The following DNAH7 variants were observed in gnomAD, a reference collection of about 807,000 sequenced individuals.
DNAH7 encodes dynein axonemal heavy chain 7.
In DNAH7, 397 loss-of-function variants were observed where a neutral mutation model predicts 444.6. That is an observed-to-expected ratio of 0.89 (90% confidence interval 0.82 to 0.97). DNAH7 has a LOEUF of 0.97. Among genes scored for constraint, DNAH7 ranks in the 50% least tolerant of loss-of-function variants. DNAH7 has a pLI of 0.00. For missense variants in DNAH7, 4,902 were observed against 4,800.8 expected (o/e 1.02, Z -0.62); for synonymous variants, 1,636 against 1,624.4 (o/e 1.01, Z -0.17).
At chr2:195,834,436 G>A in intron 47 of DNAH7, 76 bp from the exon 48 acceptor site, 8 of 1,412,888 alleles carry the variant, frequency 5.7e-6, no homozygotes, top group Non-Finnish European at 7.5e-6. Flanking sequence ...TCACATCACA[G>A]GTCACTTTTT....
At position 195,906,999 on chromosome 2, in the gene DNAH7, G is replaced by A; in HGVS notation, c.4115C>T (p.Ser1372Phe). Residue 1372 changes from serine (S) to phenylalanine (F), a missense_variant, in exon 26 of 65, where the codon TCT (serine) becomes TTT (phenylalanine). Transcript: ENST00000312428. ...ATCAAAGCAAGCCCAGGCTCCACAA[G>A]ATAACAGTCCCTATGAGAAAAGAGT... ...ALGKFFKGLL[S>F]CGAWACFDEF... The A allele has an allele frequency of 1.2e-6, 2 of 1,612,048 alleles. No individual in the cohort carries two copies. The highest frequency in any genetic ancestry group is 2.2e-5 in the South Asian group (2 of 90,856).
chr2:195,884,244 C>T (rs1701580329), intron 35 of DNAH7, among the ~76,000 whole-genome samples: 1 of 152,182 alleles, frequency 6.6e-6, no homozygotes, highest in Non-Finnish European at 1.5e-5. Context: ...TACTAACATG[C>T]ACCATGAACT....
intron 2 of DNAH7, among the ~76,000 whole-genome samples, chr2:196,052,290 G>A (rs1248573143): frequency 6.6e-6 from 1 of 152,170 alleles, no homozygotes; most frequent in Non-Finnish European, 1.5e-5. Flanking sequence ...TAGAGGGAGT[G>A]GCTGCTCCTT....
chr2:195,847,291 C>T (rs182893735), intron 46 of DNAH7, among the ~76,000 whole-genome samples: 1 of 151,572 alleles, frequency 6.6e-6, no homozygotes, highest in African/African-American at 2.4e-5. Context: ...TACATATACA[C>T]CATGGAATAC....
In DNAH7 at chr2:195,913,608, A is replaced by G. The variant is rs535831296; in HGVS notation, c.3936-3413T>C. ...TGTTATACTTGGTAGTCAGTCAAAG[A>G]ATACAGAGCCAGCCCCTCTTCATTT... On this transcript the variant is annotated intron_variant, in intron 24 of 64. Transcript: ENST00000312428. Among the ~76,000 whole-genome samples the G allele has an allele frequency of 5.3e-5, 8 of 152,358 alleles. No homozygotes were observed. In the East Asian group the frequency reaches 1.5e-3, roughly 29 times the overall value.
intron 63 of DNAH7, among the ~76,000 whole-genome samples, chr2:195,744,848 C>G (rs1049079912): frequency 2.0e-5 from 3 of 152,168 alleles, no homozygotes; most frequent in African/African-American, 7.2e-5. Context: ...ACCAAAAACC[C>G]ATCTGTACAT....
chr2:196,046,547 G>A (rs73987678), intron 5 of DNAH7, among the ~76,000 whole-genome samples: 5,715 of 152,208 alleles, frequency 0.038, 247 homozygotes, highest in African/African-American at 0.099. Context: ...AATATAAGTG[G>A]GGAAAGCTGG....
In DNAH7 at chr2:196,051,121, G is replaced by A. The variant is rs968186494; in HGVS notation, c.141+66C>T. 9.0e-6 allele frequency: 13 copies of A among 1,440,716 alleles called. No individual in the cohort carries two copies. In the African/African-American group the frequency reaches 1.1e-4, roughly 12 times the overall value. 89.2% of individuals were successfully genotyped at this position (1,440,716 alleles called of 1,614,324 possible). On this transcript the variant is annotated intron_variant, in intron 3 of 64. Transcript: ENST00000312428. ...CAGGAATTTGCTTACTTATTTTCAA[G>A]TTAGAAAACTAATAAACATTTTTTG...
intron 47 of DNAH7, among the ~76,000 whole-genome samples, chr2:195,840,744 G>A (rs1169158868): frequency 6.6e-6 from 1 of 151,622 alleles, no homozygotes; most frequent in Non-Finnish European, 1.5e-5. Flanking sequence ...AGAAATAAAA[G>A]AAATACTGGG....
In DNAH7 at chr2:195,910,151, T is replaced by G. The variant is rs1241586223; in HGVS notation, c.3980A>C (p.Glu1327Ala). The G allele has an allele frequency of 3.1e-6, 5 of 1,613,184 alleles. No individual in the cohort carries two copies. The highest frequency in any genetic ancestry group is 2.5e-6 in the Non-Finnish European group (3 of 1,179,618). The change falls in exon 25 of 65, where the codon GAG becomes GCG. Residue 1327 changes from glutamate to alanine, a missense_variant. Coordinates refer to ENST00000312428, the MANE Select transcript of DNAH7 (RefSeq NM_018897.3). Reference protein sequence around the residue: ...ALHLHLGGAPEGPAGTGKTET... With the variant: ...ALHLHLGGAPAGPAGTGKTET... ...AGTCTTCCCAGTGCCAGCTGGACCC[T>G]CAGGTGCTCCTCCAAGGTGCAAATG...
At chr2:195,797,078 T>C (rs1696181803) in intron 55 of DNAH7, among the ~76,000 whole-genome samples, 5 of 152,168 alleles carry the variant, frequency 3.3e-5, no homozygotes, top group Admixed American at 2.6e-4. Context: ...ACTCCTAAAA[T>C]CCAAATCTGA....
chr2:196,017,466 G>A (rs1049049269), intron 9 of DNAH7, among the ~76,000 whole-genome samples: 6 of 151,862 alleles, frequency 4.0e-5, no homozygotes, highest in Non-Finnish European at 1.5e-5. Context: ...AAAAGTGAAT[G>A]TTTAAAAAAT....
chr2:195,862,035 G>A, intron 41 of DNAH7, 89 bp from the exon 42 acceptor site: 2 of 955,366 alleles, frequency 2.1e-6, no homozygotes, highest in South Asian at 3.1e-5. Context: ...TATGGATGTT[G>A]GGGGTGAAGG....
intron 5 of DNAH7, among the ~76,000 whole-genome samples, chr2:196,031,767 C>A (rs1471425688): frequency 1.3e-5 from 2 of 152,228 alleles, no homozygotes; most frequent in Non-Finnish European, 1.5e-5. Context: ...TCTGAGACCA[C>A]CTCAGCCTGG....
At chr2:195,878,525 A>G (rs995280911) in intron 36 of DNAH7, among the ~76,000 whole-genome samples, 3 of 152,122 alleles carry the variant, frequency 2.0e-5, no homozygotes, top group African/African-American at 7.2e-5. Flanking sequence ...ACTTGAGCCC[A>G]GGAGGTCAAG....
chr2:195,979,824 A>T (rs955446815), intron 15 of DNAH7, among the ~76,000 whole-genome samples: 9 of 152,008 alleles, frequency 5.9e-5, no homozygotes, highest in Admixed American at 1.3e-4. Flanking sequence ...ATTAGAGGCT[A>T]CTAAAGACAA....
At chr2:195,820,620 A>G (rs1455081479) in intron 49 of DNAH7, among the ~76,000 whole-genome samples, 1 of 152,120 alleles carries the variant, frequency 6.6e-6, no homozygotes, top group African/African-American at 2.4e-5. Flanking sequence ...ACTTTCCCAA[A>G]CCCAGATAAC....
Position 195,834,349 on chromosome 2 carries a change from C to CTTT in DNAH7, c.8956_8957insAAA (p.Arg2985_Arg2986insLys), listed in dbSNP as rs1559130332. ...TTGAGGATCTATCATCAGAGGCCACCTTCTTGCATTCCTGAAAAGGAGGAG... is the reference window on the plus strand; with the variant it reads ...TTGAGGATCTATCATCAGAGGCCACCTTTTTCTTGCATTCCTGAAAAGGAGGAG... On this transcript the variant is annotated inframe_insertion, in exon 48 of 65. Transcript: ENST00000312428. The CTTT allele has an allele frequency of 1.3e-6, 2 of 1,591,762 alleles. No individual in the cohort carries two copies. Among genetic ancestry groups the CTTT allele is most frequent in the Non-Finnish European group, 1.7e-6 (2 of 1,163,304 alleles).
intron 36 of DNAH7, among the ~76,000 whole-genome samples, chr2:195,879,973 G>T (rs977572699): frequency 4.0e-5 from 6 of 151,432 alleles, no homozygotes; most frequent in Admixed American, 2.0e-4. Context: ...ATTTTTTTTT[G>T]TTGTATTGTT....
Sources: allele counts gnomAD v4.1 joint callset (sites outside exome capture counted in the v4.1 genomes callset), GRCh38; gene constraint gnomAD v4.1.1; transcripts MANE v1.5; gene names NCBI Gene and HGNC (gene_info 2026-07-23, HGNC 2026-07-21).